Variants in VTI1A observed in about 807,000 individuals in gnomAD.
VTI1A encodes the protein vesicle transport through interaction with t-SNAREs 1A.
In VTI1A, 22 loss-of-function variants were observed where a neutral mutation model predicts 34.9. The ratio of observed to expected loss-of-function variants is 0.63; its 90% CI spans 0.45 to 0.90. The LOEUF is 0.90. Among genes scored for constraint, VTI1A ranks in the 40% least tolerant of loss-of-function variants. The pLI, the probability that VTI1A is intolerant of heterozygous loss-of-function variation, is 0.00. For missense variants in VTI1A, 268 were observed against 275.6 expected (o/e 0.97, Z 0.20); for synonymous variants, 87 against 97.3 (o/e 0.89, Z 0.62).
chr10:112,677,026 G>A (rs1373012615), intron 7 of VTI1A, among the ~76,000 whole-genome samples: 1 of 152,162 alleles, frequency 6.6e-6, no homozygotes, highest in East Asian at 1.9e-4. Flanking sequence ...TGCTTCCAGT[G>A]AAAGTAATGG....
chr10:112,719,615 C>A (rs1216902665), intron 7 of VTI1A, among the ~76,000 whole-genome samples: 1 of 151,600 alleles, frequency 6.6e-6, no homozygotes, highest in Non-Finnish European at 1.5e-5. Flanking sequence ...GGTGCGATCT[C>A]GGCTCACCGC....
At chr10:112,568,137 C>T (rs935135656) in intron 5 of VTI1A, among the ~76,000 whole-genome samples, 6 of 136,336 alleles carry the variant, frequency 4.4e-5, no homozygotes, top group South Asian at 2.6e-4. Flanking sequence ...TGCTGTGCAC[C>T]GTATGATATT....
At chr10:112,651,896 A>T (rs1847038373) in intron 5 of VTI1A, among the ~76,000 whole-genome samples, 1 of 152,346 alleles carries the variant, frequency 6.6e-6, no homozygotes. Context: ...ACTACTTGGT[A>T]TATTTCTGCA....
At chr10:112,736,651 T>C in intron 7 of VTI1A, 1 of 1,545,414 alleles carries the variant, frequency 6.5e-7, no homozygotes, top group Non-Finnish European at 8.8e-7. Context: ...GAAACAAGTA[T>C]ACAAACTAGT....
intron 3 of VTI1A, among the ~76,000 whole-genome samples, chr10:112,498,700 A>G (rs943153029): frequency 6.6e-6 from 1 of 152,232 alleles, no homozygotes; most frequent in African/African-American, 2.4e-5. Flanking sequence ...ATGGGGCTCA[A>G]ATGAAATAAA....
At position 112,480,953 on chromosome 10, in the gene VTI1A, T is replaced by C. The variant is rs1328051717; in HGVS notation, c.264+16296T>C. On this transcript the variant is annotated intron_variant, in intron 3 of 7. Coordinates refer to ENST00000393077, the MANE Select transcript of VTI1A (RefSeq NM_145206.4). The stretch of plus-strand genomic sequence containing the variant: ...GTTTAGGAAATACTGAGCCAGAGTA[T>C]GGAGAACTGAGCCAGAGAGCTTGAG... 2.0e-5 allele frequency among the ~76,000 whole-genome samples: 3 copies of C among 152,154 alleles called. No homozygotes were observed. In the East Asian group the frequency reaches 5.8e-4, roughly 29 times the overall value.
intron 5 of VTI1A, among the ~76,000 whole-genome samples, chr10:112,616,312 C>T (rs1164375488): frequency 6.6e-6 from 1 of 152,112 alleles, no homozygotes; most frequent in Non-Finnish European, 1.5e-5. Context: ...TATATTTGTA[C>T]ACACATGTAC....
chr10:112,572,774 G>A (rs1480593340), intron 5 of VTI1A, among the ~76,000 whole-genome samples: 1 of 150,862 alleles, frequency 6.6e-6, no homozygotes, highest in Non-Finnish European at 1.5e-5. Flanking sequence ...GGGAGGCGGA[G>A]CTTGCAGTGA....
In VTI1A at chr10:112,787,091, G is replaced by A. The variant is rs1852311017; in HGVS notation, c.561-28199G>A. The stretch of plus-strand genomic sequence containing the variant: ...AATCCAACTTACTTGCTTGTTATAG[G>A]TCTATTCAGGTATTCTATGTTTTCT... On this transcript the variant is annotated intron_variant, in intron 7 of 7. Transcript: ENST00000393077. 2.0e-5 allele frequency among the ~76,000 whole-genome samples: 3 copies of A among 152,084 alleles called. No homozygotes were observed. In the South Asian group the frequency reaches 6.2e-4, roughly 32 times the overall value.
chr10:112,731,709 TTTAA>T (rs1455782817), intron 7 of VTI1A, among the ~76,000 whole-genome samples: 1 of 152,226 alleles, frequency 6.6e-6, no homozygotes, highest in Non-Finnish European at 1.5e-5. Flanking sequence ...GATGTCAGTT[TTTAA>T]TTAATGACTT....
intron 5 of VTI1A, among the ~76,000 whole-genome samples, chr10:112,542,307 T>A (rs368781442): frequency 1.3e-4 from 20 of 152,140 alleles, no homozygotes; most frequent in East Asian, 5.8e-4. Context: ...ACCGGTACTG[T>A]AGATGGGCCC....
intron 3 of VTI1A, among the ~76,000 whole-genome samples, chr10:112,467,472 A>C (rs1847934974): frequency 6.6e-6 from 1 of 152,218 alleles, no homozygotes; most frequent in South Asian, 2.1e-4. Flanking sequence ...AGCTAAAAAA[A>C]AAAATAGCAA....
the VTI1A span, among the ~76,000 whole-genome samples, chr10:112,836,798 T>C: frequency 2.1e-4 from 32 of 152,344 alleles, no homozygotes; most frequent in African/African-American, 5.5e-4. Context: ...CTGTGAACTC[T>C]ATGATCCTGA....
At chr10:112,825,736 C>T in the VTI1A span, 10 of 152,236 alleles carry the variant, frequency 6.6e-5, no homozygotes, top group Non-Finnish European at 2.9e-5. Flanking sequence ...GGGGTCATCT[C>T]CATGCCTGAG....
At chr10:112,496,110 C>T (rs1272969208) in intron 3 of VTI1A, among the ~76,000 whole-genome samples, 2 of 146,032 alleles carry the variant, frequency 1.4e-5, no homozygotes, top group African/African-American at 5.1e-5. Context: ...GTAATCCCAG[C>T]ACTTTGGGAG....
chr10:112,654,827 T>C (rs766105714), intron 5 of VTI1A, among the ~76,000 whole-genome samples: 10 of 152,230 alleles, frequency 6.6e-5, no homozygotes, highest in South Asian at 4.1e-4. Flanking sequence ...TTCCCTTGTC[T>C]TGAGTTTTGT....
At chr10:112,730,914 AT>A (rs1423498942) in intron 7 of VTI1A, among the ~76,000 whole-genome samples, 8 of 152,160 alleles carry the variant, frequency 5.3e-5, no homozygotes, top group African/African-American at 1.7e-4. Context: ...GCATCTTTTT[AT>A]TTTTTTCCTT....
At chr10:112,551,726 A>G (rs1038141699) in intron 5 of VTI1A, among the ~76,000 whole-genome samples, 5 of 152,170 alleles carry the variant, frequency 3.3e-5, no homozygotes, top group Admixed American at 1.3e-4. Context: ...AATTAAGTCT[A>G]TTTCATTATG....
At chr10:112,799,379 C>A (rs926584899) in intron 7 of VTI1A, among the ~76,000 whole-genome samples, 1 of 152,168 alleles carries the variant, frequency 6.6e-6, no homozygotes, top group African/African-American at 2.4e-5. Flanking sequence ...GACTTTGTTG[C>A]CAATATTTAA....
Sources: gnomAD v4.1 joint callset for allele counts (sites outside exome capture counted in the v4.1 genomes callset) on GRCh38, gnomAD v4.1.1 for gene constraint, MANE v1.5 for transcripts, NCBI Gene and HGNC (gene_info 2026-07-23, HGNC 2026-07-21) for gene names.